RAB40B: variants seen among roughly 807,000 people sequenced by gnomAD.
RAB40B encodes ras-related protein Rab-40B.
In RAB40B, 21 loss-of-function variants were observed where a neutral mutation model predicts 24.0. The observed-to-expected ratio is 0.88, with a 90% CI of 0.62 to 1.26. RAB40B has a LOEUF of 1.26. Among genes scored for constraint, RAB40B ranks in the 50% most tolerant of loss-of-function variants. RAB40B has a pLI of 0.00. For missense variants in RAB40B, 348 were observed against 390.5 expected (o/e 0.89, Z 0.92); for synonymous variants, 167 against 169.8 (o/e 0.98, Z 0.13).
intron 1 of RAB40B, among the ~76,000 whole-genome samples, chr17:82,679,386 A>C (rs1163994072): frequency 6.6e-6 from 1 of 151,342 alleles, no homozygotes; most frequent in Non-Finnish European, 1.5e-5. Context: ...GGTTCACGCC[A>C]TTCTCCTGCC....
rs548599878 is a variant in RAB40B, at chr17:82,659,767, A to G, written c.265-110T>C. On this transcript the variant is annotated intron_variant, in intron 3 of 5. Coordinates refer to ENST00000571995, the MANE Select transcript of RAB40B (RefSeq NM_006822.3). ...AACCACTTTCCTTATTTTAACACAAAGTACATAATTTTGATTTATCAACTG... is the reference window on the plus strand; with the variant it reads ...AACCACTTTCCTTATTTTAACACAAGGTACATAATTTTGATTTATCAACTG... The G allele has an allele frequency of 4.2e-5, 34 of 817,012 alleles. No individual in the cohort carries two copies. The Admixed American group carries it at 4.3e-4, about 10-fold the overall frequency. 50.6% of individuals were successfully genotyped at this position (817,012 alleles called of 1,614,324 possible).
At chr17:82,669,533 G>T (rs190553465) in intron 1 of RAB40B, among the ~76,000 whole-genome samples, 1 of 151,866 alleles carries the variant, frequency 6.6e-6, no homozygotes, top group Admixed American at 6.6e-5. Context: ...CACACCTGTC[G>T]TCCCAGCTTC....
chr17:82,698,477 C>G lies in RAB40B; in HGVS notation c.120G>C (p.Glu40Asp). ...ILASLQDGAA[E>D]SPYGHPAGID... Reference sequence around the variant, plus strand: ...CACCCGCCGGGTGGCCGTACGGGGACTCGGCCGCGCCATCCTGCAGGCTCG... The same window carrying G: ...CACCCGCCGGGTGGCCGTACGGGGAGTCGGCCGCGCCATCCTGCAGGCTCG... Residue 40 changes from glutamate (E) to aspartate (D), a missense_variant, in exon 1 of 6, where the codon GAG becomes GAC. Glu to Asp is a conservative substitution (Grantham distance 45). Transcript: ENST00000571995. 6.7e-7 allele frequency: 1 copy of G among 1,486,312 alleles called. No homozygotes were observed. Among genetic ancestry groups the G allele is most frequent in the South Asian group, 1.2e-5 (1 of 80,748 alleles). 92.1% of individuals were successfully genotyped at this position (1,486,312 alleles called of 1,614,324 possible).
intron 1 of RAB40B, among the ~76,000 whole-genome samples, chr17:82,684,040 G>A (rs560013766): frequency 6.6e-5 from 10 of 151,912 alleles, no homozygotes; most frequent in Non-Finnish European, 1.2e-4. Context: ...GGCCAACATG[G>A]TGAAACCCTG....
chr17:82,685,220 G>A lies in RAB40B; in HGVS notation c.142+13235C>T, dbSNP rs1253722958. On this transcript the variant is annotated intron_variant, in intron 1 of 5. Transcript: ENST00000571995. ...GGAAGCGGGAGAGGAAAGGAATGGG[G>A]AGGGGGAGGGAGGACGGAGGAGGGA... Among the ~76,000 whole-genome samples, 3 of 144,718 alleles carry A rather than the reference G, an allele frequency of 2.1e-5. 1 individual carries two copies. The highest frequency in any genetic ancestry group is 7.7e-5 in the African/African-American group (3 of 38,934). The allele number at this position is 144,718 out of a possible 152,430, so 94.9% of individuals were successfully genotyped here. A position where few individuals can be genotyped will look rare whatever the true frequency, so the allele number is the denominator to read the frequency against.
chr17:82,698,603 G>A lies in RAB40B; in HGVS notation c.-7C>T, dbSNP rs762974804. On this transcript the variant is annotated 5_prime_UTR_variant, in exon 1 of 6. Transcript: ENST00000571995. ...GGCTGCCCAGGGCGCTCATCGTGAC[G>A]GCCCGGCGCCCCCACCCATGCCCGG... 1.0e-5 allele frequency: 15 copies of A among 1,447,542 alleles called. 1 individual carries two copies. The South Asian group carries it at 2.0e-4, about 19-fold the overall frequency. The allele number at this position is 1,447,542 out of a possible 1,614,324, so 89.7% of individuals were successfully genotyped here. A position where few individuals can be genotyped will look rare whatever the true frequency, so the allele number is the denominator to read the frequency against.
intron 1 of RAB40B, among the ~76,000 whole-genome samples, chr17:82,684,282 A>T (rs1001000712): frequency 1.3e-5 from 2 of 151,176 alleles, no homozygotes; most frequent in African/African-American, 4.9e-5. Context: ...GCTAACATTT[A>T]AAAAAAACAA....
At chr17:82,684,885 G>A (rs894883743) in intron 1 of RAB40B, among the ~76,000 whole-genome samples, 3 of 152,066 alleles carry the variant, frequency 2.0e-5, no homozygotes, top group Admixed American at 6.6e-5. Flanking sequence ...AGGTCGAGGC[G>A]GGTGGATCAC....
chr17:82,665,890 CAAAAAA>C (rs1002021556), intron 1 of RAB40B, among the ~76,000 whole-genome samples: 3 of 121,806 alleles, frequency 2.5e-5, no homozygotes, highest in African/African-American at 8.5e-5. Context: ...AGAACAACAA[CAAAAAA>C]AAAAAAAAAA....
intron 1 of RAB40B, among the ~76,000 whole-genome samples, chr17:82,684,909 T>C (rs1044968810): frequency 2.0e-5 from 3 of 151,274 alleles, no homozygotes; most frequent in Admixed American, 6.6e-5. Flanking sequence ...AGGTCAGGAG[T>C]TCGAGACCAG....
chr17:82,679,084 C>A (rs371901791), intron 1 of RAB40B, among the ~76,000 whole-genome samples: 9 of 149,876 alleles, frequency 6.0e-5, no homozygotes, highest in African/African-American at 2.2e-4. Context: ...GGGGTTTCAC[C>A]GTGTTAGCCA....
intron 1 of RAB40B, among the ~76,000 whole-genome samples, chr17:82,668,893 G>A (rs569407955): frequency 2.0e-5 from 3 of 152,344 alleles, no homozygotes; most frequent in South Asian, 4.1e-4. Context: ...CACTCTAGAT[G>A]GGCCACTGCT....
At chr17:82,693,443 C>T (rs530761253) in intron 1 of RAB40B, among the ~76,000 whole-genome samples, 3 of 152,322 alleles carry the variant, frequency 2.0e-5, no homozygotes, top group East Asian at 1.9e-4. Context: ...ATGATGCAGC[C>T]GGGGCCTCCA....
At chr17:82,681,699 T>G (rs1234024696) in intron 1 of RAB40B, among the ~76,000 whole-genome samples, 1 of 152,194 alleles carries the variant, frequency 6.6e-6, no homozygotes, top group Non-Finnish European at 1.5e-5. Flanking sequence ...CGGCAATCTA[T>G]TATTGTAGGA....
intron 1 of RAB40B, among the ~76,000 whole-genome samples, chr17:82,695,994 C>A (rs547094804): frequency 6.6e-6 from 1 of 152,036 alleles, no homozygotes; most frequent in Non-Finnish European, 1.5e-5. Flanking sequence ...CTCAGCCTCC[C>A]GAGTAGCTGG....
Position 82,661,812 on chromosome 17 carries a change from G to A in RAB40B, c.204-765C>T, listed in dbSNP as rs185436938. 101 of 627,128 alleles carry A rather than the reference G, an allele frequency of 1.6e-4. No homozygotes were observed. In the East Asian group the frequency reaches 3.7e-3, roughly 23 times the overall value. 38.8% of individuals were successfully genotyped at this position (627,128 alleles called of 1,614,324 possible). ...TGAGGCAGGAGAATTGTTTGAGCCC[G>A]GCAGGCGGAGGTTGCAGTGAGCTGA... On this transcript the variant is annotated intron_variant, in intron 2 of 5. Transcript: ENST00000571995.
At chr17:82,694,560 T>TAC (rs1491237931) in intron 1 of RAB40B, among the ~76,000 whole-genome samples, 13 of 96,088 alleles carry the variant, frequency 1.4e-4, no homozygotes, top group African/African-American at 5.0e-4. Context: ...CACACACACA[T>TAC]ACACACACAC....
At chr17:82,680,664 G>C (rs1450277557) in intron 1 of RAB40B, among the ~76,000 whole-genome samples, 1 of 152,102 alleles carries the variant, frequency 6.6e-6, no homozygotes, top group East Asian at 1.9e-4. Flanking sequence ...CTACCTAGTA[G>C]TAATACCTAT....
intron 2 of RAB40B, among the ~76,000 whole-genome samples, chr17:82,661,571 A>G (rs528875539): frequency 6.6e-6 from 1 of 152,286 alleles, no homozygotes; most frequent in Admixed American, 6.5e-5. Flanking sequence ...GGGACCCACA[A>G]AGACCAGAAC....
Sources: gnomAD v4.1 joint callset for allele counts (sites outside exome capture counted in the v4.1 genomes callset) on GRCh38, gnomAD v4.1.1 for gene constraint, MANE v1.5 for transcripts, NCBI Gene and HGNC (gene_info 2026-07-23, HGNC 2026-07-21) for gene names.